MMS22L: variants seen among roughly 807,000 people sequenced by gnomAD.
The protein encoded by MMS22L is MMS22 like, DNA repair protein, also known as protein MMS22-like.
In MMS22L, 74 loss-of-function variants were observed where a neutral mutation model predicts 159.1. That is an observed-to-expected ratio of 0.47 (90% CI 0.39 to 0.56). MMS22L has a LOEUF of 0.56. MMS22L is among the 20% of genes least tolerant of loss of function. The pLI is 0.00. For synonymous variants in MMS22L, 517 were observed against 506.9 expected (o/e 1.02, Z -0.27); for missense variants, 1,351 against 1,422.1 (o/e 0.95, Z 0.80).
chr6:97,238,789 T>C lies in MMS22L; in HGVS notation c.1183-4809A>G, dbSNP rs116584764. Among the ~76,000 whole-genome samples the C allele has an allele frequency of 1.3e-3, 174 of 133,910 alleles. 2 individuals are homozygous for C. The highest frequency in any genetic ancestry group is 4.9e-3 in the African/African-American group (167 of 34,354). The allele number at this position is 133,910 out of a possible 152,430, so 87.9% of individuals were successfully genotyped here. ...CATACTACATAGGTCAAATCTTTAA[T>C]TGGACTAATAAGGTGCACATTCACT... is the stretch of plus-strand genomic sequence containing the variant. On this transcript the variant is annotated intron_variant, in intron 11 of 24. Coordinates refer to ENST00000683635, the MANE Select transcript of MMS22L (RefSeq NM_001350599.2).
chr6:97,202,278 C>T (rs1807256413), intron 14 of MMS22L, among the ~76,000 whole-genome samples: 1 of 152,186 alleles, frequency 6.6e-6, no homozygotes, highest in Non-Finnish European at 1.5e-5. Flanking sequence ...ATACAGATGG[C>T]TTTCCAAGTA....
chr6:97,201,572 G>A (rs543086488), intron 14 of MMS22L, among the ~76,000 whole-genome samples: 3 of 152,240 alleles, frequency 2.0e-5, no homozygotes, highest in Admixed American at 6.5e-5. Context: ...AATGTTTTAC[G>A]AGTTCCACCA....
intron 14 of MMS22L, among the ~76,000 whole-genome samples, chr6:97,221,879 T>A (rs1809695412): frequency 1.3e-5 from 2 of 152,084 alleles, no homozygotes; most frequent in South Asian, 4.1e-4. Flanking sequence ...CTCATTTGAT[T>A]AAAAATTCTA....
At chr6:97,255,262 C>G (rs1813677427) in intron 9 of MMS22L, among the ~76,000 whole-genome samples, 1 of 151,990 alleles carries the variant, frequency 6.6e-6, no homozygotes. Flanking sequence ...TTAGGTTTTT[C>G]TAGGTATTTC....
chr6:97,265,942 G>T (rs189329382), intron 8 of MMS22L: 1 of 152,050 alleles, frequency 6.6e-6, no homozygotes, highest in African/African-American at 2.4e-5. Flanking sequence ...GGATGGTCTC[G>T]ATCTCCTGAC....
At chr6:97,169,888 T>G (rs1232480336) in intron 19 of MMS22L, among the ~76,000 whole-genome samples, 1 of 152,214 alleles carries the variant, frequency 6.6e-6, no homozygotes, top group East Asian at 1.9e-4. Flanking sequence ...CCACATGGTA[T>G]AGTTTAGTTA....
At chr6:97,262,438 A>T (rs1343382752) in intron 9 of MMS22L, among the ~76,000 whole-genome samples, 1 of 152,052 alleles carries the variant, frequency 6.6e-6, no homozygotes, top group Admixed American at 6.5e-5. Flanking sequence ...TGAGGTCAGG[A>T]GTTCAAGACC....
At chr6:97,209,338 T>G (rs1808123804) in intron 14 of MMS22L, among the ~76,000 whole-genome samples, 1 of 152,030 alleles carries the variant, frequency 6.6e-6, no homozygotes, top group Non-Finnish European at 1.5e-5. Flanking sequence ...TACTACAGTA[T>G]CCCACTACTA....
chr6:97,209,085 AG>A (rs1808099056), intron 14 of MMS22L, among the ~76,000 whole-genome samples: 1 of 152,008 alleles, frequency 6.6e-6, no homozygotes, highest in Non-Finnish European at 1.5e-5. Context: ...CCCAGTTCAA[AG>A]GCCATCTATT....
chr6:97,260,818 C>T (rs895234809), intron 9 of MMS22L: 4 of 152,092 alleles, frequency 2.6e-5, no homozygotes, highest in Non-Finnish European at 4.4e-5. Flanking sequence ...CACCAAAGTC[C>T]CATTTCTTTA....
At chr6:97,183,194 A>G (rs564244073) in intron 15 of MMS22L, among the ~76,000 whole-genome samples, 2 of 152,184 alleles carry the variant, frequency 1.3e-5, no homozygotes, top group South Asian at 4.1e-4. Context: ...CTTTGATTCC[A>G]TCAGGACCTA....
chr6:97,183,047 T>C (rs1453586947), intron 15 of MMS22L, among the ~76,000 whole-genome samples: 1 of 152,120 alleles, frequency 6.6e-6, no homozygotes, highest in Non-Finnish European at 1.5e-5. Context: ...ACGTCAGCCA[T>C]TCACTCCCAT....
intron 4 of MMS22L, among the ~76,000 whole-genome samples, chr6:97,274,762 C>T (rs564979876): frequency 8.6e-5 from 13 of 151,990 alleles, no homozygotes; most frequent in Non-Finnish European, 1.5e-4. Context: ...CAGAAGTGTC[C>T]CTCTGAGATT....
intron 9 of MMS22L, 106 bp downstream of exon 9, chr6:97,263,229 G>T (rs200728818): frequency 1.0e-5 from 7 of 683,418 alleles, no homozygotes; most frequent in African/African-American, 9.4e-5. Context: ...GGTTATTATT[G>T]CCTTATTATA....
chr6:97,263,711 T>G (rs980027981), intron 8 of MMS22L: 6 of 223,560 alleles, frequency 2.7e-5, no homozygotes, highest in Non-Finnish European at 5.2e-5. Context: ...ACTTTCTCTT[T>G]TTTTTTTCTT....
At chr6:97,153,093 T>C (rs1801483960) in intron 22 of MMS22L, among the ~76,000 whole-genome samples, 1 of 152,018 alleles carries the variant, frequency 6.6e-6, no homozygotes. Context: ...CCTCCCACCT[T>C]GGCGTCCCAA....
intron 13 of MMS22L, 21 bp from the exon 14 acceptor site, chr6:97,229,424 C>T: frequency 6.9e-7 from 1 of 1,456,854 alleles, no homozygotes; most frequent in South Asian, 1.5e-5. Flanking sequence ...TTAAAAAATG[C>T]TTTAATAAAA....
intron 11 of MMS22L, among the ~76,000 whole-genome samples, chr6:97,238,220 G>GT (rs1811621529): frequency 6.6e-6 from 1 of 152,218 alleles, no homozygotes. Flanking sequence ...GGTATGTGCA[G>GT]TAAGTGTTAA....
chr6:97,142,764 A>G lies in MMS22L; in HGVS notation c.*4042T>C, dbSNP rs1471784725. The G allele has an allele frequency of 2.0e-5, 3 of 152,140 alleles. 1 individual carries two copies. The highest frequency in any genetic ancestry group is 4.4e-5 in the Non-Finnish European group (3 of 67,988). 9.4% of individuals were successfully genotyped at this position (152,140 alleles called of 1,614,324 possible). On this transcript the variant is annotated 3_prime_UTR_variant, in exon 25 of 25. Transcript: ENST00000683635. ...ATAACATACAATTTTTAACTGTCAA[A>G]GATTCTGTGAAAGTACACAGAAGCA...
Sources: gnomAD v4.1 joint callset for allele counts (sites outside exome capture counted in the v4.1 genomes callset) on GRCh38, gnomAD v4.1.1 for gene constraint, MANE v1.5 for transcripts, NCBI Gene and HGNC (gene_info 2026-07-23, HGNC 2026-07-21) for gene names.